DPYSL2: variants seen among roughly 807,000 people sequenced by gnomAD.
The protein encoded by DPYSL2 is dihydropyrimidinase-related protein 2.
In DPYSL2, 13 loss-of-function variants were observed where a neutral mutation model predicts 69.9. That is an observed-to-expected ratio of 0.19 (90% CI 0.12 to 0.30). The LOEUF (loss-of-function observed/expected upper bound fraction) is 0.30, where lower values mean the gene tolerates loss of function less well. Ranked by LOEUF, DPYSL2 falls within the 10% of genes least tolerant of loss-of-function variation. The pLI is 1.00. For missense variants in DPYSL2, 587 were observed against 918.9 expected (o/e 0.64, Z 4.67); for synonymous variants, 326 against 359.1 (o/e 0.91, Z 1.04).
intron 3 of DPYSL2, among the ~76,000 whole-genome samples, chr8:26,602,440 G>A (rs1386228386): frequency 6.6e-6 from 1 of 152,114 alleles, no homozygotes; most frequent in East Asian, 1.9e-4. Context: ...GCGATGAGAT[G>A]GCCCCTCCCA....
chr8:26,548,259 G>T, intron 1 of DPYSL2: 1 of 211,150 alleles, frequency 4.7e-6, no homozygotes, highest in Non-Finnish European at 9.8e-6. Flanking sequence ...AGGCCTTGGT[G>T]CACAGGCAAG....
At chr8:26,539,516 T>C (rs1421218535) in intron 1 of DPYSL2, among the ~76,000 whole-genome samples, 1 of 152,200 alleles carries the variant, frequency 6.6e-6, no homozygotes, top group Non-Finnish European at 1.5e-5. Flanking sequence ...ATGGTACACA[T>C]GTAATAAAGG....
At chr8:26,547,135 G>T (rs1800784358) in intron 1 of DPYSL2, among the ~76,000 whole-genome samples, 1 of 151,834 alleles carries the variant, frequency 6.6e-6, no homozygotes, top group South Asian at 2.1e-4. Context: ...GGTCGAAGTG[G>T]GTGGATTGCT....
At position 26,514,054 on chromosome 8, in the gene DPYSL2, G is replaced by T. The variant is rs1051957835; in HGVS notation, c.-272G>T. 3 of 305,390 alleles carry T rather than the reference G, an allele frequency of 9.8e-6. No individual in the cohort carries two copies. Among genetic ancestry groups the T allele is most frequent in the African/African-American group, 2.2e-5 (1 of 46,114 alleles). 18.9% of individuals were successfully genotyped at this position (305,390 alleles called of 1,614,324 possible). Reference sequence around the variant, plus strand: ...GCCTTTCGGCTCCCGCAGCCGCAGCGGACGCCCTCCCAGATCCAACTTTGC... The same window carrying T: ...GCCTTTCGGCTCCCGCAGCCGCAGCTGACGCCCTCCCAGATCCAACTTTGC... On this transcript the variant is annotated 5_prime_UTR_variant, in exon 1 of 14. Transcript: ENST00000521913. This position sits in a 1 kb window ranked among gnomAD's most constrained non-coding sequence, Gnocchi z 8.4.
rs1168139448 is a variant in DPYSL2, at chr8:26,650,742, G to A, written c.1597-1515G>A. Among the ~76,000 whole-genome samples the A allele has an allele frequency of 1.3e-5, 2 of 152,324 alleles. No individual in the cohort carries two copies. Among genetic ancestry groups the A allele is most frequent in the Admixed American group, 1.3e-4 (2 of 15,306 alleles). ...GACCATCTGCTGTGCAGACAGGGGT[G>A]GCAGAAAATCTCGCAGGCCTCGACC... On this transcript the variant is annotated intron_variant, in intron 11 of 13. Coordinates refer to ENST00000521913, the MANE Select transcript of DPYSL2 (RefSeq NM_001197293.3). The surrounding 1 kb of genome is among the most constrained non-coding windows in gnomAD (Gnocchi z 5.3).
At position 26,640,198 on chromosome 8, in the gene DPYSL2, C is replaced by T. The variant is rs746506992; in HGVS notation, c.1127-3241C>T. 3.3e-5 allele frequency among the ~76,000 whole-genome samples: 5 copies of T among 152,302 alleles called. No homozygotes were observed. Among genetic ancestry groups the T allele is most frequent in the Non-Finnish European group, 5.9e-5 (4 of 68,020 alleles). On this transcript the variant is annotated intron_variant, in intron 8 of 13. Transcript: ENST00000521913. The surrounding 1 kb of genome is among the most constrained non-coding windows in gnomAD (Gnocchi z 4.2). ...TGGGAGCTATCAAGCATATTTAAAC[C>T]GCAGCCTTCCATTTATTCTTCATGA...
chr8:26,618,812 G>A (rs1180862621), intron 3 of DPYSL2, among the ~76,000 whole-genome samples: 2 of 148,952 alleles, frequency 1.3e-5, no homozygotes, highest in African/African-American at 5.0e-5. Flanking sequence ...ACAAAAATTA[G>A]CCGGGCATGA....
At chr8:26,577,383 G>C (rs1801374313) in intron 1 of DPYSL2, 1 of 161,216 alleles carries the variant, frequency 6.2e-6, no homozygotes, top group Non-Finnish European at 1.3e-5. Context: ...TTCAGCGCCA[G>C]CAACGGCGGG....
At position 26,657,171 on chromosome 8, in the gene DPYSL2, G is replaced by A. The variant is rs1017303173; in HGVS notation, c.*1465G>A. 11 of 152,470 alleles carry A rather than the reference G, an allele frequency of 7.2e-5. No individual in the cohort carries two copies. The highest frequency in any genetic ancestry group is 2.7e-4 in the African/African-American group (11 of 41,460). The allele number at this position is 152,470 out of a possible 1,614,324, so 9.4% of individuals were successfully genotyped here. ...AAGTCTATTCTACTTTGCAAGAGGAGAAATGTGTTTTATGAACGATAGATC... is the reference window on the plus strand; with the variant it reads ...AAGTCTATTCTACTTTGCAAGAGGAAAAATGTGTTTTATGAACGATAGATC... On this transcript the variant is annotated 3_prime_UTR_variant, in exon 14 of 14. Transcript: ENST00000521913.
At chr8:26,524,018 A>G (rs775755210) in intron 1 of DPYSL2, among the ~76,000 whole-genome samples, 1 of 152,216 alleles carries the variant, frequency 6.6e-6, no homozygotes, top group Non-Finnish European at 1.5e-5. Flanking sequence ...CTTGCTTTCA[A>G]TTCTTTCGAG....
At position 26,638,575 on chromosome 8, in the gene DPYSL2, C is replaced by T. The variant is rs554112143; in HGVS notation, c.1126+3675C>T. 2.0e-5 allele frequency among the ~76,000 whole-genome samples: 3 copies of T among 152,326 alleles called. No individual in the cohort carries two copies. In the East Asian group the frequency reaches 5.8e-4, roughly 29 times the overall value. ...ACGCTGAGAGACACGCTGCTTCCAT[C>T]AGCCGCTCTGTGGCTGTTCAGCAGG... On this transcript the variant is annotated intron_variant, in intron 8 of 13. Coordinates refer to ENST00000521913, the MANE Select transcript of DPYSL2 (RefSeq NM_001197293.3).
chr8:26,578,088 C>T (rs866739692), intron 1 of DPYSL2: 3 of 1,497,518 alleles, frequency 2.0e-6, no homozygotes, highest in Non-Finnish European at 2.6e-6. Flanking sequence ...TGCATTCATC[C>T]GTTACGTTCT....
intron 1 of DPYSL2, among the ~76,000 whole-genome samples, chr8:26,566,861 C>T (rs1360795380): frequency 6.6e-6 from 1 of 152,104 alleles, no homozygotes; most frequent in African/African-American, 2.4e-5. Flanking sequence ...CCTACCCACC[C>T]ATCTATCCAT....
intron 1 of DPYSL2, among the ~76,000 whole-genome samples, chr8:26,543,739 G>A (rs1563380398): frequency 6.6e-6 from 1 of 152,106 alleles, no homozygotes; most frequent in East Asian, 1.9e-4. Flanking sequence ...TGCCCACCTC[G>A]GCCTCCCAAA....
chr8:26,573,136 G>C (rs1024068354), intron 1 of DPYSL2, among the ~76,000 whole-genome samples: 1 of 152,210 alleles, frequency 6.6e-6, no homozygotes, highest in Non-Finnish European at 1.5e-5. Context: ...CTACAGCCCC[G>C]CAGAGAATAA....
chr8:26,628,482 C>G (rs1191145909), intron 7 of DPYSL2, among the ~76,000 whole-genome samples: 1 of 152,176 alleles, frequency 6.6e-6, no homozygotes, highest in East Asian at 1.9e-4. Context: ...GACTCACCGT[C>G]TTGGTGAGGT....
In DPYSL2 at chr8:26,533,169, A is replaced by T. The variant is rs1163686417; in HGVS notation, c.354+18490A>T. ...CTTTTCATGTGCTTATGTCATTTGT[A>T]TCTCTTTGGAGAACTGTCTATTAAA... On this transcript the variant is annotated intron_variant, in intron 1 of 13. Transcript: ENST00000521913. The surrounding 1 kb of genome is among the most constrained non-coding windows in gnomAD (Gnocchi z 4.8). Among the ~76,000 whole-genome samples, 1 of 152,128 alleles carries T rather than the reference A, an allele frequency of 6.6e-6. No individual in the cohort carries two copies. Among genetic ancestry groups the T allele is most frequent in the Non-Finnish European group, 1.5e-5 (1 of 68,024 alleles).
In DPYSL2 at chr8:26,624,958, T is replaced by C. The variant is rs1802582849; in HGVS notation, c.793+651T>C. 6.6e-6 allele frequency among the ~76,000 whole-genome samples: 1 copy of C among 152,184 alleles called. No homozygotes were observed. Among genetic ancestry groups the C allele is most frequent in the Non-Finnish European group, 1.5e-5 (1 of 68,018 alleles). On this transcript the variant is annotated intron_variant, in intron 4 of 13. Coordinates refer to ENST00000521913, the MANE Select transcript of DPYSL2 (RefSeq NM_001197293.3). This position sits in a 1 kb window ranked among gnomAD's most constrained non-coding sequence, Gnocchi z 4.7. ...CCAGGCCACATCATCTTCCTGGGTC[T>C]CGCTGGGCTTGGCTAGAGACCAGAT...
At chr8:26,552,618 G>A (rs7841881) in intron 1 of DPYSL2, among the ~76,000 whole-genome samples, 6,278 of 152,256 alleles carry the variant, frequency 0.041, 249 homozygotes, top group African/African-American at 0.1. Flanking sequence ...CCTTCTGGCC[G>A]GTGGGTCTTC....
Sources: allele counts gnomAD v4.1 joint callset (sites outside exome capture counted in the v4.1 genomes callset), GRCh38; gene constraint gnomAD v4.1.1; non-coding constraint Gnocchi (gnomAD v3.1); transcripts MANE v1.5; gene names NCBI Gene and HGNC (gene_info 2026-07-23, HGNC 2026-07-21).